Variants in H2AC7 observed in about 807,000 individuals in gnomAD.
H2AC7 encodes H2A clustered histone 7, also known as histone H2A type 1-D.
A neutral mutation model predicts 8.3 loss-of-function variants in H2AC7; 15 were observed. That is an observed-to-expected ratio of 1.81 (90% CI 1.21 to 2.79). H2AC7 has a LOEUF of 2.79. Ranked by LOEUF, H2AC7 falls within the 30% of genes most tolerant of loss-of-function variation. The pLI is 0.00. For synonymous variants in H2AC7, 168 were observed against 80.1 expected, an observed-to-expected ratio of 2.10 and a Z score of -5.86; for missense variants, 283 against 175.2, an observed-to-expected ratio of 1.62 and a Z score of -3.47.
Position 26,199,125 on chromosome 6 carries a change from T to G in H2AC7, c.119A>C (p.Tyr40Ser). Residue 40 changes from tyrosine (Y) to serine (S), a missense_variant, in exon 1 of 1, where the codon TAC becomes TCC. Transcript: ENST00000341023. Reference protein sequence around the residue: ...RVHRLLRKGNYSERVGAGAPV... With the variant: ...RVHRLLRKGNSSERVGAGAPV... ...CGCGCCGGCCCCGACTCGCTCGGAG[T>G]AGTTGCCCTTGCGGAGCAAGCGGTG... The G allele has an allele frequency of 6.2e-7, 1 of 1,614,086 alleles. No homozygotes were observed. Among genetic ancestry groups the G allele is most frequent in the Middle Eastern group, 1.6e-4 (1 of 6,062 alleles).
At position 26,199,254 on chromosome 6, in the gene H2AC7, T is replaced by TA. The variant is rs1411102427; in HGVS notation, c.-12dup. ...GCCGCGTCCGGACATTTTGAATTCT[T>TA]AAAAACGATGTTAAGCAATGAAGAC... On this transcript the variant is annotated 5_prime_UTR_variant, in exon 1 of 1. Coordinates refer to ENST00000341023, the MANE Select transcript of H2AC7 (RefSeq NM_021065.3). 4 of 1,591,494 alleles carry TA rather than the reference T, an allele frequency of 2.5e-6. No individual in the cohort carries two copies. Among genetic ancestry groups the TA allele is most frequent in the African/African-American group, 2.7e-5 (2 of 73,274 alleles).
Position 26,199,107 on chromosome 6 carries a change from GC to G in H2AC7, c.136del (p.Ala46ProfsTer14). ...CGCCGCCAGATACACTGGCGCGCCG[GC>G]CCCGACTCGCTCGGAGTAGTTGCCC... ...RKGNYSERVG[A>X]GAPVYLAAVL... On this transcript the variant is annotated frameshift_variant, in exon 1 of 1. Transcript: ENST00000341023. LOFTEE classifies it high-confidence loss of function. The G allele has an allele frequency of 1.2e-6, 2 of 1,614,176 alleles. No homozygotes were observed. The highest frequency in any genetic ancestry group is 1.7e-6 in the Non-Finnish European group (2 of 1,180,018).
Position 26,199,263 on chromosome 6 carries a change from T to A in H2AC7, c.-20A>T. 2 of 1,586,508 alleles carry A rather than the reference T, an allele frequency of 1.3e-6. No homozygotes were observed. The highest frequency in any genetic ancestry group is 1.7e-6 in the Non-Finnish European group (2 of 1,172,764). On this transcript the variant is annotated 5_prime_UTR_variant, in exon 1 of 1. Transcript: ENST00000341023. Reference sequence around the variant, plus strand: ...GGACATTTTGAATTCTTAAAAACGATGTTAAGCAATGAAGACAAAAATGTA... The same window carrying A: ...GGACATTTTGAATTCTTAAAAACGAAGTTAAGCAATGAAGACAAAAATGTA...
Position 26,198,950 on chromosome 6 carries a change from C to A in H2AC7, c.294G>T (p.Leu98=). 6.2e-7 allele frequency: 1 copy of A among 1,614,228 alleles called. No individual in the cohort carries two copies. Among genetic ancestry groups the A allele is most frequent in the Non-Finnish European group, 8.5e-7 (1 of 1,180,042 alleles). Residue 98 remains leucine (L), a synonymous_variant, in exon 1 of 1, where the codon CTG becomes CTT. Transcript: ENST00000341023. ...IRNDEELNKL[L]GKVTIAQGGV... is the part of the protein sequence containing the mutation. ...CGCCCTGAGCAATTGTGACTTTACC[C>A]AGCAACTTGTTTAGCTCCTCGTCGT...
rs984669097 is a variant in H2AC7 at position 26,199,152 on chromosome 6, A to G, written c.92T>C (p.Val31Ala). The G allele has an allele frequency of 1.2e-6, 2 of 1,614,152 alleles. No homozygotes were observed. Among genetic ancestry groups the G allele is most frequent in the African/African-American group, 2.7e-5 (2 of 75,064 alleles). The stretch of plus-strand genomic sequence containing the variant: ...GTTGCCCTTGCGGAGCAAGCGGTGT[A>G]CGCGGCCCACAGGGAACTGGAGTCC... ...RAGLQFPVGR[V>A]HRLLRKGNYS... is the part of the protein sequence containing the mutation. The change falls in exon 1 of 1, where the codon GTA (valine) becomes GCA (alanine). Residue 31 changes from valine (V) to alanine (A), a missense_variant. Transcript: ENST00000341023.
Position 26,198,793 on chromosome 6 carries a change from CTGAAAAGAGCCT to C in H2AC7, c.*46_*57del. The C allele has an allele frequency of 6.4e-7, 1 of 1,555,476 alleles. No homozygotes were observed. Among genetic ancestry groups the C allele is most frequent in the Non-Finnish European group, 8.7e-7 (1 of 1,144,652 alleles). The stretch of plus-strand genomic sequence containing the variant: ...CCTTTTAAGGAATACATGGGTGGCT[CTGAAAAGAGCCT>C]TTGTTAAGACTGCTTCCTTAAAAAG... On this transcript the variant is annotated 3_prime_UTR_variant, in exon 1 of 1. Coordinates refer to ENST00000341023, the MANE Select transcript of H2AC7 (RefSeq NM_021065.3).
chr6:26,199,245 T>C lies in H2AC7; in HGVS notation c.-2A>G. 2 of 1,592,324 alleles carry C rather than the reference T, an allele frequency of 1.3e-6. No homozygotes were observed. Among genetic ancestry groups the C allele is most frequent in the East Asian group, 2.2e-5 (1 of 44,828 alleles). ...GCCTTGCTTGCCGCGTCCGGACATT[T>C]TGAATTCTTAAAAACGATGTTAAGC... is the stretch of plus-strand genomic sequence containing the variant. On this transcript the variant is annotated 5_prime_UTR_variant, in exon 1 of 1. Coordinates refer to ENST00000341023, the MANE Select transcript of H2AC7 (RefSeq NM_021065.3).
rs561037127 is a variant in H2AC7 at position 26,198,865 on chromosome 6, C to T, written c.379G>A (p.Ala127Thr). The T allele has an allele frequency of 1.2e-6, 2 of 1,613,890 alleles. No individual in the cohort carries two copies. Among genetic ancestry groups the T allele is most frequent in the African/African-American group, 1.3e-5 (1 of 74,922 alleles). The change falls in exon 1 of 1, where the codon GCC (alanine) becomes ACC (threonine). Residue 127 changes from alanine (A) to threonine (T), a missense_variant. By Grantham distance (58) the Ala-to-Thr change is moderately conservative (BLOSUM62 0). Transcript: ENST00000341023. Reference sequence around the variant, plus strand: ...GAGTTCTCGTTTTACTTGCCCTTGGCCTTGTGGTGACTCTCAGTCTTCTTG... The same window carrying T: ...GAGTTCTCGTTTTACTTGCCCTTGGTCTTGTGGTGACTCTCAGTCTTCTTG... ...LPKKTESHHK[A>T]KGK
In H2AC7 at chr6:26,198,984, G is replaced by T; in HGVS notation, c.260C>A (p.Ala87Asp). Residue 87 changes from alanine to aspartate, a missense_variant, in exon 1 of 1, where the codon GCC becomes GAC. By Grantham distance (126) the Ala-to-Asp change is moderately radical. Transcript: ENST00000341023. ...GTTTAGCTCCTCGTCGTTGCGGATG[G>T]CCAGCTGCAGGTGTCGGGGGATGAT... ...TRIIPRHLQLAIRNDEELNKL... is the reference protein window; with the variant it reads ...TRIIPRHLQLDIRNDEELNKL... 1 of 1,614,170 alleles carries T rather than the reference G, an allele frequency of 6.2e-7. No homozygotes were observed. Among genetic ancestry groups the T allele is most frequent in the Non-Finnish European group, 8.5e-7 (1 of 1,180,038 alleles).
At position 26,198,919 on chromosome 6, in the gene H2AC7, G is replaced by A. The variant is rs774731285; in HGVS notation, c.325C>T (p.Leu109=). The A allele has an allele frequency of 1.1e-5, 17 of 1,614,132 alleles. No individual in the cohort carries two copies. Among genetic ancestry groups the A allele is most frequent in the African/African-American group, 8.0e-5 (6 of 74,940 alleles). Reference sequence around the variant, plus strand: ...AGCAGTACAGCCTGGATGTTGGGCAGAACACCGCCCTGAGCAATTGTGACT... The same window carrying A: ...AGCAGTACAGCCTGGATGTTGGGCAAAACACCGCCCTGAGCAATTGTGACT... The part of the protein sequence containing the change: ...GKVTIAQGGV[L]PNIQAVLLPK... The change falls in exon 1 of 1, where the codon CTG becomes TTG. Residue 109 remains leucine, a synonymous_variant. Transcript: ENST00000341023.
rs1561981562 is a variant in H2AC7, at chr6:26,198,804, CT to C, written c.*46del. The C allele has an allele frequency of 1.3e-6, 2 of 1,582,542 alleles. No individual in the cohort carries two copies. The highest frequency in any genetic ancestry group is 1.9e-5 in the Admixed American group (1 of 51,688). ...ATACATGGGTGGCTCTGAAAAGAGC[CT>C]TTGTTAAGACTGCTTCCTTAAAAAG... On this transcript the variant is annotated 3_prime_UTR_variant, in exon 1 of 1. Transcript: ENST00000341023.
In H2AC7 at chr6:26,199,178, G is replaced by A. The variant is rs138430545; in HGVS notation, c.66C>T (p.Ala22=). 3.0e-5 allele frequency: 49 copies of A among 1,614,086 alleles called. No individual in the cohort carries two copies. The highest frequency in any genetic ancestry group is 2.9e-4 in the East Asian group (13 of 44,886). Residue 22 remains alanine, a synonymous_variant, in exon 1 of 1, where the codon GCC becomes GCT. Coordinates refer to ENST00000341023, the MANE Select transcript of H2AC7 (RefSeq NM_021065.3). ...RAKAKTRSSR[A]GLQFPVGRVH... ...CGCGGCCCACAGGGAACTGGAGTCC[G>A]GCCCGCGAAGAGCGGGTCTTAGCCT...
Position 26,199,157 on chromosome 6 carries a change from G to A in H2AC7, c.87C>T (p.Gly29=), listed in dbSNP as rs1765065248. ...CCTTGCGGAGCAAGCGGTGTACGCGGCCCACAGGGAACTGGAGTCCGGCCC... is the reference window on the plus strand; with the variant it reads ...CCTTGCGGAGCAAGCGGTGTACGCGACCCACAGGGAACTGGAGTCCGGCCC... ...SSRAGLQFPV[G]RVHRLLRKGN... The change falls in exon 1 of 1, where the codon GGC becomes GGT. Residue 29 remains glycine (G), a synonymous_variant. Coordinates refer to ENST00000341023, the MANE Select transcript of H2AC7 (RefSeq NM_021065.3). 1.2e-6 allele frequency: 2 copies of A among 1,614,192 alleles called. No homozygotes were observed.
rs756364276 is a variant in H2AC7, at chr6:26,199,023, T to A, written c.221A>T (p.Asn74Ile). The change falls in exon 1 of 1, where the codon AAC becomes ATC. Residue 74 changes from asparagine (N) to isoleucine (I), a missense_variant. Physicochemically the swap from Asn to Ile is moderately radical, Grantham distance 149. Transcript: ENST00000341023. The stretch of plus-strand genomic sequence containing the variant: ...TCGGGGGATGATGCGGGTCTTCTTG[T>A]TGTCGCGGGCGGCGTTGCCCGCCAG... ...LELAGNAARDNKKTRIIPRHL... is the reference protein window; with the variant it reads ...LELAGNAARDIKKTRIIPRHL... The A allele has an allele frequency of 6.2e-7, 1 of 1,614,026 alleles. No individual in the cohort carries two copies. The highest frequency in any genetic ancestry group is 1.3e-5 in the African/African-American group (1 of 74,910).
Position 26,198,824 on chromosome 6 carries a change from T to G in H2AC7, c.*27A>C. The G allele has an allele frequency of 6.2e-7, 1 of 1,602,554 alleles. No individual in the cohort carries two copies. Among genetic ancestry groups the G allele is most frequent in the East Asian group, 2.2e-5 (1 of 44,838 alleles). ...AGAGCCTTTGTTAAGACTGCTTCCT[T>G]AAAAAGCCAATATAAGAGTTCTCGT... is the stretch of plus-strand genomic sequence containing the variant. On this transcript the variant is annotated 3_prime_UTR_variant, in exon 1 of 1. Coordinates refer to ENST00000341023, the MANE Select transcript of H2AC7 (RefSeq NM_021065.3).
rs1231990604 is a variant in H2AC7 at position 26,198,820 on chromosome 6, TC to T, written c.*30del. On this transcript the variant is annotated 3_prime_UTR_variant, in exon 1 of 1. Transcript: ENST00000341023. ...GAAAAGAGCCTTTGTTAAGACTGCT[TC>T]CTTAAAAAGCCAATATAAGAGTTCT... 1 of 1,601,262 alleles carries T rather than the reference TC, an allele frequency of 6.2e-7. No homozygotes were observed. Among genetic ancestry groups the T allele is most frequent in the Non-Finnish European group, 8.5e-7 (1 of 1,176,390 alleles).
In H2AC7 at chr6:26,199,077, A is replaced by T; in HGVS notation, c.167T>A (p.Leu56Ter). Residue 56 changes from leucine to a stop codon, truncating the protein, a stop_gained, in exon 1 of 1, where the codon TTG becomes TAG. Coordinates refer to ENST00000341023, the MANE Select transcript of H2AC7 (RefSeq NM_021065.3). LOFTEE classifies it high-confidence loss of function. ...CAGGATCTCGGCGGTCAGGTACTCC[A>T]ACACCGCCGCCAGATACACTGGCGC... ...AGAPVYLAAV[L>*]EYLTAEILEL... is the part of the protein sequence containing the mutation. The T allele has an allele frequency of 1.2e-6, 2 of 1,614,058 alleles. No individual in the cohort carries two copies. Among genetic ancestry groups the T allele is most frequent in the Non-Finnish European group, 1.7e-6 (2 of 1,179,988 alleles).
At position 26,199,104 on chromosome 6, in the gene H2AC7, C is replaced by CCG. The variant is rs1765062955; in HGVS notation, c.138_139dup (p.Gly47AlafsTer14). On this transcript the variant is annotated frameshift_variant, in exon 1 of 1. Coordinates refer to ENST00000341023, the MANE Select transcript of H2AC7 (RefSeq NM_021065.3). LOFTEE classifies it high-confidence loss of function. ...CACCGCCGCCAGATACACTGGCGCG[C>CCG]CGGCCCCGACTCGCTCGGAGTAGTT... 7 of 1,614,190 alleles carry CCG rather than the reference C, an allele frequency of 4.3e-6. No homozygotes were observed. The East Asian group carries it at 1.6e-4, about 36-fold the overall frequency.
rs1234916788 is a variant in H2AC7, at chr6:26,198,922, C to G, written c.322G>C (p.Val108Leu). Residue 108 changes from valine (V) to leucine (L), a missense_variant, in exon 1 of 1, where the codon GTT becomes CTT. Transcript: ENST00000341023. ...LGKVTIAQGG[V>L]LPNIQAVLLP... is the part of the protein sequence containing the mutation. ...AGTACAGCCTGGATGTTGGGCAGAA[C>G]ACCGCCCTGAGCAATTGTGACTTTA... 1 of 1,614,140 alleles carries G rather than the reference C, an allele frequency of 6.2e-7. No individual in the cohort carries two copies.
Sources: allele counts gnomAD v4.1 joint callset, GRCh38; gene constraint gnomAD v4.1.1; transcripts MANE v1.5; gene names NCBI Gene and HGNC (gene_info 2026-07-23, HGNC 2026-07-21).